Variants in DCN observed in about 807,000 individuals in gnomAD.
The protein encoded by DCN is decorin, also known as bone proteoglycan II.
DCN carries 17 observed loss-of-function variants against 36.5 expected under a neutral mutation model. The observed-to-expected ratio is 0.47, with a 90% CI of 0.32 to 0.70. DCN has a LOEUF of 0.70. DCN is among the 30% of genes least tolerant of loss of function. DCN has a pLI of 0.04. For synonymous variants in DCN, 163 were observed against 161.4 expected, an observed-to-expected ratio of 1.01 and a Z score of -0.07; for missense variants, 389 against 430.1, an observed-to-expected ratio of 0.90 and a Z score of 0.84.
intron 2 of DCN, among the ~76,000 whole-genome samples, chr12:91,167,314 G>C (rs1184720307): frequency 6.6e-6 from 1 of 151,960 alleles, no homozygotes; most frequent in Non-Finnish European, 1.5e-5. Context: ...AAAGGGAAGG[G>C]TCCTTAAATA....
At position 91,145,107 on chromosome 12, in the gene DCN, A is replaced by C. The variant is rs922771681; in HGVS notation, c.*951T>G. The C allele has an allele frequency of 3.9e-5, 6 of 152,220 alleles. No individual in the cohort carries two copies. Among genetic ancestry groups the C allele is most frequent in the African/African-American group, 1.2e-4 (5 of 41,468 alleles). The allele number at this position is 152,220 out of a possible 1,614,324, so 9.4% of individuals were successfully genotyped here. On this transcript the variant is annotated 3_prime_UTR_variant, in exon 8 of 8. Transcript: ENST00000052754. ...AATTTGATAAATGTTTACTGTAAGT[A>C]AATCATCCCCAGGCTTATTAAATTG... is the stretch of plus-strand genomic sequence containing the variant.
At chr12:91,155,556 T>C (rs911502155) in intron 5 of DCN, among the ~76,000 whole-genome samples, 4 of 152,132 alleles carry the variant, frequency 2.6e-5, no homozygotes, top group East Asian at 1.9e-4. Context: ...AAGTCTGAGA[T>C]TGTGCTAAAT....
intron 2 of DCN, among the ~76,000 whole-genome samples, chr12:91,164,974 G>A (rs183510147): frequency 6.6e-5 from 10 of 152,212 alleles, no homozygotes; most frequent in African/African-American, 2.2e-4. Flanking sequence ...CTCTGCATTA[G>A]GGGAACATTT....
At chr12:91,175,513 G>A (rs1417218938) in intron 2 of DCN, 1 of 151,984 alleles carries the variant, frequency 6.6e-6, no homozygotes, top group African/African-American at 2.4e-5. Flanking sequence ...TTTTGATGTT[G>A]TTTAACTTTG....
At chr12:91,154,326 T>C (rs1881622503) in intron 5 of DCN, among the ~76,000 whole-genome samples, 2 of 152,174 alleles carry the variant, frequency 1.3e-5, no homozygotes, top group Admixed American at 1.3e-4. Context: ...TTGGCACTTT[T>C]CCTACTTCAA....
intron 7 of DCN, among the ~76,000 whole-genome samples, chr12:91,147,130 C>T (rs1203696226): frequency 6.6e-6 from 1 of 152,190 alleles, no homozygotes; most frequent in Non-Finnish European, 1.5e-5. Flanking sequence ...CTCAAAGGGG[C>T]CTACAAATCC....
Position 91,143,147 on chromosome 12 carries a change from C to T in DCN, c.*2911G>A, listed in dbSNP as rs973491462. ...CACGCTGCCATAAGGCAAAGAACAC[C>T]TAGATTTAACCAGAAACCTAGGAGG... On this transcript the variant is annotated 3_prime_UTR_variant, in exon 8 of 8. Coordinates refer to ENST00000052754, the MANE Select transcript of DCN (RefSeq NM_001920.5). 3.3e-5 allele frequency: 5 copies of T among 152,178 alleles called. No individual in the cohort carries two copies. Among genetic ancestry groups the T allele is most frequent in the Non-Finnish European group, 7.3e-5 (5 of 68,036 alleles). The allele number at this position is 152,178 out of a possible 1,614,324, so 9.4% of individuals were successfully genotyped here. A position where few individuals can be genotyped will look rare whatever the true frequency, so the allele number is the denominator to read the frequency against.
Position 91,178,452 on chromosome 12 carries a change from G to GA in DCN, c.100dup (p.Ser34PhefsTer9). On this transcript the variant is annotated frameshift_variant, in exon 2 of 8. Coordinates refer to ENST00000052754, the MANE Select transcript of DCN (RefSeq NM_001920.5). LOFTEE classifies it high-confidence loss of function. The stretch of plus-strand genomic sequence containing the variant: ...ATCAGGAACTTCTGGGCCTATCCCA[G>GA]AAGCCTCATCTTCTAGCATAAAGTC... 1 of 1,613,916 alleles carries GA rather than the reference G, an allele frequency of 6.2e-7. No individual in the cohort carries two copies. Among genetic ancestry groups the GA allele is most frequent in the Non-Finnish European group, 8.5e-7 (1 of 1,179,988 alleles).
intron 4 of DCN, among the ~76,000 whole-genome samples, chr12:91,157,957 G>A (rs1881905069): frequency 6.6e-6 from 1 of 152,126 alleles, no homozygotes; most frequent in Non-Finnish European, 1.5e-5. Flanking sequence ...AATGATTTAT[G>A]AGTGTTTAGA....
At chr12:91,180,367 A>G (rs1883518700) in intron 1 of DCN, 2 of 150,152 alleles carry the variant, frequency 1.3e-5, no homozygotes, top group African/African-American at 5.0e-5. Flanking sequence ...AAAAAGAAAG[A>G]AAGGAAGAAA....
chr12:91,151,839 T>A (rs917775813), intron 6 of DCN, 47 bp from the exon 7 acceptor site: 1 of 1,610,424 alleles, frequency 6.2e-7, no homozygotes, highest in African/African-American at 1.3e-5. Flanking sequence ...CATGGATGCC[T>A]TTCTTACAAG....
chr12:91,149,694 T>C (rs184850950), intron 7 of DCN, among the ~76,000 whole-genome samples: 3 of 152,260 alleles, frequency 2.0e-5, no homozygotes, highest in Admixed American at 6.5e-5. Context: ...GAATATAGAA[T>C]ATCCAAAGGA....
chr12:91,155,347 C>T (rs979083041), intron 5 of DCN, among the ~76,000 whole-genome samples: 4 of 152,014 alleles, frequency 2.6e-5, no homozygotes, highest in Admixed American at 1.3e-4. Context: ...GCATGATACC[C>T]GGAACTAAAT....
At chr12:91,158,550 C>T (rs773085500) in intron 3 of DCN, 41 bp from the exon 4 acceptor site, 1 of 1,007,914 alleles carries the variant, frequency 9.9e-7, no homozygotes, top group Non-Finnish European at 1.6e-6. Context: ...AATCCAAAAC[C>T]TTCCACATAC....
intron 3 of DCN, among the ~76,000 whole-genome samples, chr12:91,162,164 C>A (rs1882199501): frequency 6.6e-6 from 1 of 152,096 alleles, no homozygotes; most frequent in Non-Finnish European, 1.5e-5. Context: ...TGGTCTTGAT[C>A]TCTTAACCTT....
chr12:91,173,857 T>C (rs1238905776), intron 2 of DCN, among the ~76,000 whole-genome samples: 1 of 152,236 alleles, frequency 6.6e-6, no homozygotes, highest in African/African-American at 2.4e-5. Flanking sequence ...TAGTACAATA[T>C]GTCCCAAGTG....
chr12:91,153,588 G>A lies in DCN; in HGVS notation c.653-399C>T, dbSNP rs75643315. Among the ~76,000 whole-genome samples the A allele has an allele frequency of 4.4e-3, 665 of 152,118 alleles. 3 individuals are homozygous for A. Among genetic ancestry groups the A allele is most frequent in the African/African-American group, 0.015 (619 of 41,520 alleles). On this transcript the variant is annotated intron_variant, in intron 5 of 7. Transcript: ENST00000052754. ...ATTCGAACCATAATGAAGAGATTAC[G>A]TATAAATTAAACCCATGTACAAACT...
At chr12:91,160,550 T>G (rs1315387029) in intron 3 of DCN, among the ~76,000 whole-genome samples, 1 of 152,136 alleles carries the variant, frequency 6.6e-6, no homozygotes, top group African/African-American at 2.4e-5. Context: ...TCTCAAGCTC[T>G]GGGTCTTATT....
intron 5 of DCN, 75 bp from the exon 6 acceptor site, chr12:91,153,264 G>T: frequency 1.2e-6 from 1 of 840,846 alleles, no homozygotes; most frequent in Non-Finnish European, 2.1e-6. Context: ...ACTTAAAGAA[G>T]ACATATGCCA....
Sources: gnomAD v4.1 joint callset for allele counts (sites outside exome capture counted in the v4.1 genomes callset) on GRCh38, gnomAD v4.1.1 for gene constraint, MANE v1.5 for transcripts, NCBI Gene and HGNC (gene_info 2026-07-23, HGNC 2026-07-21) for gene names.